RNF152: variants seen among roughly 807,000 people sequenced by gnomAD.
The protein encoded by RNF152 is ring finger protein 152.
A neutral mutation model predicts 12.7 loss-of-function variants in RNF152; 11 were observed. The ratio of observed to expected loss-of-function variants is 0.86; its 90% CI spans 0.54 to 1.43. The LOEUF is 1.43. RNF152 is among the 40% of genes most tolerant of loss of function. RNF152 has a pLI of 0.00. For synonymous variants in RNF152, 113 were observed against 120.3 expected (o/e 0.94, Z 0.40); for missense variants, 255 against 274.8 (o/e 0.93, Z 0.51).
At position 61,815,530 on chromosome 18, in the gene RNF152, T is replaced by C. The variant is rs1378721416; in HGVS notation, c.*322A>G. ...TCACATTGTACGCACTTGTACAGTT[T>C]AACGTCTAAGTAGAATATGTCTATC... On this transcript the variant is annotated 3_prime_UTR_variant, in exon 2 of 2. Transcript: ENST00000312828. 3.4e-6 allele frequency: 1 copy of C among 292,818 alleles called. No individual in the cohort carries two copies. Among genetic ancestry groups the C allele is most frequent in the African/African-American group, 2.1e-5 (1 of 46,758 alleles). The allele number at this position is 292,818 out of a possible 1,614,324, so 18.1% of individuals were successfully genotyped here.
chr18:61,819,874 A>T (rs1026320538), intron 1 of RNF152, among the ~76,000 whole-genome samples: 6 of 152,012 alleles, frequency 3.9e-5, no homozygotes, highest in Admixed American at 6.5e-5. Flanking sequence ...TAAAAAAATT[A>T]GCTGGGTGTG....
intron 1 of RNF152, among the ~76,000 whole-genome samples, chr18:61,890,058 A>G (rs1912885125): frequency 6.6e-6 from 1 of 152,226 alleles, no homozygotes; most frequent in African/African-American, 2.4e-5. Context: ...CCATATCAAC[A>G]TATTAGTAGT....
chr18:61,816,310 G>T lies in RNF152; in HGVS notation c.154C>A (p.Pro52Thr). Reference sequence around the variant, plus strand: ...AGCTTGGTGACACCGCGGCACCAGGGGCACCGCACATCCTTCTGGCTGGTC... The same window carrying T: ...AGCTTGGTGACACCGCGGCACCAGGTGCACCGCACATCCTTCTGGCTGGTC... ...MRTSQKDVRC[P>T]WCRGVTKLPP... is the part of the protein sequence containing the mutation. Residue 52 changes from proline (P) to threonine (T), a missense_variant, in exon 2 of 2, where the codon CCC becomes ACC. Transcript: ENST00000312828. 1 of 1,614,202 alleles carries T rather than the reference G, an allele frequency of 6.2e-7. No individual in the cohort carries two copies. The highest frequency in any genetic ancestry group is 8.5e-7 in the Non-Finnish European group (1 of 1,180,026).
Position 61,808,472 on chromosome 18 carries a change from T to C in RNF152, c.*7380A>G, listed in dbSNP as rs1912796665. 1.4e-5 allele frequency: 2 copies of C among 145,948 alleles called. No homozygotes were observed. Among genetic ancestry groups the C allele is most frequent in the South Asian group, 4.4e-4 (2 of 4,526 alleles). 9.0% of individuals were successfully genotyped at this position (145,948 alleles called of 1,614,324 possible). On this transcript the variant is annotated 3_prime_UTR_variant, in exon 2 of 2. Coordinates refer to ENST00000312828, the MANE Select transcript of RNF152 (RefSeq NM_173557.3). ...GAAACACATCAAGGATTTGAGTTAA[T>C]AGCCTCTGAGCAGCATTAATATAGC...
intron 1 of RNF152, among the ~76,000 whole-genome samples, chr18:61,855,057 G>A (rs1030777847): frequency 2.0e-5 from 3 of 152,194 alleles, no homozygotes; most frequent in African/African-American, 7.2e-5. Flanking sequence ...GGTGGGGAGA[G>A]GGAACTGCTG....
intron 1 of RNF152, among the ~76,000 whole-genome samples, chr18:61,871,473 C>T (rs1348181923): frequency 6.6e-6 from 1 of 152,144 alleles, no homozygotes; most frequent in Admixed American, 6.6e-5. Context: ...TAAACCAGAA[C>T]ACAGAGGGTC....
At chr18:61,844,090 G>GAAAA (rs746492202) in intron 1 of RNF152, among the ~76,000 whole-genome samples, 2 of 91,816 alleles carry the variant, frequency 2.2e-5, no homozygotes, top group African/African-American at 7.4e-5. Context: ...AAGAAAGAAA[G>GAAAA]AAAGAAAGAA....
chr18:61,845,412 C>T (rs1370463349), intron 1 of RNF152, among the ~76,000 whole-genome samples: 9 of 152,206 alleles, frequency 5.9e-5, no homozygotes, highest in African/African-American at 2.2e-4. Flanking sequence ...CAGCTGGGCA[C>T]GCAGAGCAAA....
chr18:61,846,442 T>C (rs904692858), intron 1 of RNF152, among the ~76,000 whole-genome samples: 16 of 152,146 alleles, frequency 1.1e-4, no homozygotes, highest in African/African-American at 3.9e-4. Context: ...TCTGTTCATG[T>C]TGCTTCTGCT....
intron 1 of RNF152, among the ~76,000 whole-genome samples, chr18:61,844,069 G>A (rs1568275012): frequency 8.4e-6 from 1 of 119,596 alleles, no homozygotes; most frequent in Non-Finnish European, 1.7e-5. Context: ...GAGAAAGACA[G>A]AAAGAAAGGA....
intron 1 of RNF152, among the ~76,000 whole-genome samples, chr18:61,840,022 G>A (rs1910379733): frequency 6.6e-6 from 1 of 152,214 alleles, no homozygotes; most frequent in South Asian, 2.1e-4. Flanking sequence ...AGAAACCAAG[G>A]CCTGGGTAAC....
chr18:61,873,045 C>T (rs1002627468), intron 1 of RNF152, among the ~76,000 whole-genome samples: 9 of 152,140 alleles, frequency 5.9e-5, no homozygotes, highest in African/African-American at 1.7e-4. Flanking sequence ...AATGCTTCTA[C>T]GTACCAGATT....
chr18:61,872,470 T>C (rs1463656595), intron 1 of RNF152, among the ~76,000 whole-genome samples: 1 of 152,212 alleles, frequency 6.6e-6, no homozygotes, highest in African/African-American at 2.4e-5. Flanking sequence ...CTAACAAGCT[T>C]GAAAATGTCT....
At chr18:61,865,953 C>T (rs934889267) in intron 1 of RNF152, among the ~76,000 whole-genome samples, 1 of 152,210 alleles carries the variant, frequency 6.6e-6, no homozygotes, top group African/African-American at 2.4e-5. Context: ...TGTTGTCCAA[C>T]AGATGATATA....
At position 61,835,001 on chromosome 18, in the gene RNF152, G is replaced by A. The variant is rs527371168; in HGVS notation, c.-135-18403C>T. Among the ~76,000 whole-genome samples the A allele has an allele frequency of 3.4e-4, 52 of 152,242 alleles. 1 individual carries two copies. The Middle Eastern group carries it at 0.017, about 50-fold the overall frequency. ...TTCCAATGTCAATTGAGGGTTGAGA[G>A]TCACTGATAATTTCTCACTCCAACT... On this transcript the variant is annotated intron_variant, in intron 1 of 1. Transcript: ENST00000312828.
At chr18:61,828,377 G>T (rs914161041) in intron 1 of RNF152, among the ~76,000 whole-genome samples, 3 of 152,052 alleles carry the variant, frequency 2.0e-5, no homozygotes, top group African/African-American at 4.8e-5. Context: ...TTAGCCCCCC[G>T]AGTAGCTGGG....
chr18:61,872,586 C>T (rs903182121), intron 1 of RNF152, among the ~76,000 whole-genome samples: 1 of 152,018 alleles, frequency 6.6e-6, no homozygotes, highest in Admixed American at 6.6e-5. Flanking sequence ...ATATTATAAA[C>T]CCAAAGTTAG....
At chr18:61,835,047 GC>G (rs1910119454) in intron 1 of RNF152, among the ~76,000 whole-genome samples, 1 of 152,112 alleles carries the variant, frequency 6.6e-6, no homozygotes, top group Non-Finnish European at 1.5e-5. Context: ...CTAACAATTT[GC>G]CCCAAAATAG....
intron 1 of RNF152, among the ~76,000 whole-genome samples, chr18:61,838,661 A>G (rs1289440629): frequency 6.6e-6 from 1 of 152,200 alleles, no homozygotes; most frequent in South Asian, 2.1e-4. Flanking sequence ...ATTCACGGCC[A>G]GGAAGACAAG....
Sources: allele counts gnomAD v4.1 joint callset (sites outside exome capture counted in the v4.1 genomes callset), GRCh38; gene constraint gnomAD v4.1.1; transcripts MANE v1.5; gene names NCBI Gene and HGNC (gene_info 2026-07-23, HGNC 2026-07-21).